Variants in RBBP8 observed in about 807,000 individuals in gnomAD.
The protein encoded by RBBP8 is RB binding protein 8, endonuclease.
A neutral mutation model predicts 108.3 loss-of-function variants in RBBP8; 88 were observed. The ratio of observed to expected loss-of-function variants is 0.81; its 90% CI spans 0.68 to 0.97. The LOEUF is 0.97. RBBP8 is among the 50% of genes least tolerant of loss of function. The pLI, the probability that RBBP8 is intolerant of heterozygous loss-of-function variation, is 0.00. For synonymous variants in RBBP8, 332 were observed against 348.2 expected (o/e 0.95, Z 0.52); for missense variants, 1,023 against 1,049.0 (o/e 0.98, Z 0.34).
intron 15 of RBBP8, among the ~76,000 whole-genome samples, chr18:23,002,699 G>A (rs1189442586): frequency 2.6e-5 from 4 of 152,048 alleles, no homozygotes; most frequent in Non-Finnish European, 4.4e-5. Context: ...TGCAAAGATT[G>A]TTTTATGCTG....
chr18:22,946,319 A>G, intron 2 of RBBP8, 125 bp from the exon 3 acceptor site: 4 of 1,311,328 alleles, frequency 3.1e-6, no homozygotes, highest in Non-Finnish European at 4.2e-6. Context: ...CGTAAGGGGC[A>G]TATACTGTAA....
intron 15 of RBBP8, chr18:23,004,737 G>T (rs1388620472): frequency 6.6e-6 from 1 of 152,286 alleles, no homozygotes; most frequent in Non-Finnish European, 1.5e-5. Context: ...AGTTGCTCAA[G>T]GAGCAGTGAA....
chr18:22,942,943 C>G (rs1419949264), intron 2 of RBBP8, among the ~76,000 whole-genome samples: 1 of 151,968 alleles, frequency 6.6e-6, no homozygotes, highest in Non-Finnish European at 1.5e-5. Context: ...TAATCAGTTT[C>G]AAAGAAAACT....
chr18:22,942,656 G>A (rs571410360), intron 2 of RBBP8, among the ~76,000 whole-genome samples: 1 of 152,156 alleles, frequency 6.6e-6, no homozygotes, highest in South Asian at 2.1e-4. Flanking sequence ...ATGATATACA[G>A]TGTTTATGCT....
At chr18:22,937,059 G>C (rs1456946383) in intron 2 of RBBP8, 99 bp downstream of exon 2, 1 of 1,552,096 alleles carries the variant, frequency 6.4e-7, no homozygotes, top group East Asian at 2.4e-5. Flanking sequence ...TTCTATTTCA[G>C]CTTTTAGGTT....
chr18:22,939,098 T>G (rs1316813398), intron 2 of RBBP8, among the ~76,000 whole-genome samples: 1 of 152,238 alleles, frequency 6.6e-6, no homozygotes, highest in African/African-American at 2.4e-5. Context: ...TGTTTCTTGA[T>G]TACCTATTAT....
intron 3 of RBBP8, among the ~76,000 whole-genome samples, chr18:22,923,636 C>T (rs1433210872): frequency 1.3e-5 from 2 of 152,202 alleles, no homozygotes; most frequent in Non-Finnish European, 2.9e-5. Context: ...ATCTCTCATC[C>T]TATCTCCCAG....
intron 16 of RBBP8, among the ~76,000 whole-genome samples, chr18:23,007,615 G>A (rs1240933090): frequency 1.3e-5 from 2 of 148,302 alleles, no homozygotes; most frequent in Admixed American, 6.8e-5. Context: ...GGAGAATGGC[G>A]TGAACTCGGG....
In RBBP8 at chr18:23,016,913, G is replaced by C; in HGVS notation, c.2443G>C (p.Glu815Gln). 1.2e-6 allele frequency: 2 copies of C among 1,612,292 alleles called. No homozygotes were observed. The highest frequency in any genetic ancestry group is 1.7e-6 in the Non-Finnish European group (2 of 1,178,550). The change falls in exon 17 of 19, where the codon GAA becomes CAA. Residue 815 changes from glutamate to glutamine, a missense_variant. By Grantham distance (29) the Glu-to-Gln change is conservative. Transcript: ENST00000327155. ...RRKLLGHTCK[E>Q]CEIYYADMPA... ...AAAACTGCTTGGGCACACGTGTAAG[G>C]AATGTGAAATTGTAAGTACTAATGT...
At position 22,982,343 on chromosome 18, in the gene RBBP8, G is replaced by A. The variant is rs772914535; in HGVS notation, c.554G>A (p.Arg185Gln). 34 of 1,614,008 alleles carry A rather than the reference G, an allele frequency of 2.1e-5. No individual in the cohort carries two copies. The highest frequency in any genetic ancestry group is 3.3e-4 in the Middle Eastern group (2 of 6,084). ...CGAAGAAAGGAGAACCCCCATGTCC[G>A]ATACATAGAACAAACACATACTAAA... The part of the protein sequence containing the change: ...RLRRKENPHV[R>Q]YIEQTHTKLE... The change falls in exon 7 of 19, where the codon CGA (arginine) becomes CAA (glutamine). Residue 185 changes from arginine (R) to glutamine (Q), a missense_variant. Transcript: ENST00000327155.
At chr18:23,015,796 C>G (rs959778533) in intron 16 of RBBP8, among the ~76,000 whole-genome samples, 2 of 152,194 alleles carry the variant, frequency 1.3e-5, no homozygotes, top group African/African-American at 4.8e-5. Context: ...TTCTGGTACT[C>G]TGTTCCATTG....
At chr18:22,940,320 CTTTTTTT>C (rs146953584) in intron 2 of RBBP8, among the ~76,000 whole-genome samples, 1 of 110,308 alleles carries the variant, frequency 9.1e-6, no homozygotes. Flanking sequence ...TTCTATATTT[CTTTTTTT>C]TTTTTTTTTT....
chr18:22,924,988 A>G (rs1246277868), intron 3 of RBBP8, among the ~76,000 whole-genome samples: 4 of 152,028 alleles, frequency 2.6e-5, no homozygotes, highest in African/African-American at 9.7e-5. Context: ...GGCTCAAGCA[A>G]TCCTCCCATC....
intron 3 of RBBP8, among the ~76,000 whole-genome samples, chr18:22,920,343 G>A (rs1200501616): frequency 6.6e-6 from 1 of 152,024 alleles, no homozygotes; most frequent in Non-Finnish European, 1.5e-5. Context: ...CATAACTCAA[G>A]ACTAACAACT....
intron 4 of RBBP8, among the ~76,000 whole-genome samples, chr18:22,967,755 TCCTGCCTCAG>T (rs1913739964): frequency 6.6e-6 from 1 of 150,976 alleles, no homozygotes; most frequent in Non-Finnish European, 1.5e-5. Flanking sequence ...CACGCCATTC[TCCTGCCTCAG>T]CCTCCCGAGT....
At chr18:22,989,177 A>G in intron 8 of RBBP8, 44 bp from the exon 9 acceptor site, 1 of 1,399,822 alleles carries the variant, frequency 7.1e-7, no homozygotes, top group South Asian at 1.2e-5. Context: ...GTTTTGTAAA[A>G]TTGGTTTTAT....
At chr18:22,958,249 A>G (rs1912754952) in intron 4 of RBBP8, among the ~76,000 whole-genome samples, 1 of 152,204 alleles carries the variant, frequency 6.6e-6, no homozygotes, top group African/African-American at 2.4e-5. Context: ...TTATTTATTG[A>G]CTGTATAAAT....
intron 14 of RBBP8, among the ~76,000 whole-genome samples, chr18:23,000,086 T>C (rs1465331620): frequency 6.6e-6 from 1 of 152,218 alleles, no homozygotes; most frequent in African/African-American, 2.4e-5. Flanking sequence ...CAAAAGTACT[T>C]ACCTTATGGA....
chr18:22,982,480 G>A, intron 7 of RBBP8, 87 bp downstream of exon 7: 1 of 1,593,752 alleles, frequency 6.3e-7, no homozygotes, highest in Non-Finnish European at 8.5e-7. Flanking sequence ...CTAGTGATAA[G>A]AAGATAGTCA....
Sources: gnomAD v4.1 joint callset for allele counts (sites outside exome capture counted in the v4.1 genomes callset) on GRCh38, gnomAD v4.1.1 for gene constraint, MANE v1.5 for transcripts, NCBI Gene and HGNC (gene_info 2026-07-23, HGNC 2026-07-21) for gene names.